The following ZFPM1 variants were observed in gnomAD, a reference collection of about 807,000 sequenced individuals.
The protein encoded by ZFPM1 is zinc finger protein ZFPM1.
A neutral mutation model predicts 46.3 loss-of-function variants in ZFPM1; 28 were observed. The ratio of observed to expected loss-of-function variants is 0.60; its 90% CI spans 0.45 to 0.83. ZFPM1 has a LOEUF of 0.83. ZFPM1 is among the 40% of genes least tolerant of loss of function. The probability of loss-of-function intolerance (pLI) is 0.00; values close to 1 mark genes in which losing one functional copy is unlikely to be tolerated. For synonymous variants in ZFPM1, 957 were observed against 675.9 expected (o/e 1.42, Z -6.45); for missense variants, 1,878 against 1,432.4 (o/e 1.31, Z -5.02).
intron 3 of ZFPM1, among the ~76,000 whole-genome samples, chr16:88,505,264 C>T (rs1910586456): frequency 6.6e-6 from 1 of 152,196 alleles, no homozygotes; most frequent in African/African-American, 2.4e-5. Context: ...CTCCTTACTG[C>T]CCGTTTGTGG....
chr16:88,534,455 C>T lies in ZFPM1; in HGVS notation c.2497C>T (p.Leu833=). ...RVSFHSLEAY[L]AHKKYSCPAA... ...GAGCTTCCACAGCCTCGAGGCCTAC[C>T]TGGCGCACAAGAAGTACTCGTGCCC... Residue 833 remains leucine (L), a synonymous_variant, in exon 10 of 10, where the codon CTG becomes TTG. Transcript: ENST00000319555. 2.0e-6 allele frequency: 3 copies of T among 1,497,356 alleles called. No homozygotes were observed. The highest frequency in any genetic ancestry group is 2.7e-6 in the Non-Finnish European group (3 of 1,130,382). The allele number at this position is 1,497,356 out of a possible 1,614,324, so 92.8% of individuals were successfully genotyped here.
intron 5 of ZFPM1, among the ~76,000 whole-genome samples, chr16:88,527,153 G>A (rs1054618537): frequency 6.6e-6 from 1 of 152,196 alleles, no homozygotes; most frequent in Non-Finnish European, 1.5e-5. Flanking sequence ...ACAGGTGTCC[G>A]TGGCGGGGGG....
At chr16:88,501,589 T>TGATGGAGATAGCAGACATGGGTGCG (rs1567541544) in intron 3 of ZFPM1, among the ~76,000 whole-genome samples, 4 of 62,568 alleles carry the variant, frequency 6.4e-5, no homozygotes, top group African/African-American at 7.2e-5. Flanking sequence ...TGTGGGTGCA[T>TGATGGAGATAGCAGACATGGGTGCG]GGGCTCTCCC....
At chr16:88,527,043 G>A in intron 5 of ZFPM1, 127 bp downstream of exon 5, 1 of 1,414,396 alleles carries the variant, frequency 7.1e-7, no homozygotes, top group Non-Finnish European at 9.4e-7. Context: ...GGGAGCTGCT[G>A]GCCCCGGGCG....
chr16:88,517,222 ATGGATGGGTGGG>A (rs1462894903), intron 4 of ZFPM1, among the ~76,000 whole-genome samples: 919 of 80,666 alleles, frequency 0.011, 23 homozygotes, highest in African/African-American at 0.041. Context: ...GGATGGATGG[ATGGATGGGTGGG>A]TGGGTGGGTG....
intron 6 of ZFPM1, among the ~76,000 whole-genome samples, chr16:88,530,140 G>A (rs1468742969): frequency 6.6e-6 from 1 of 152,166 alleles, no homozygotes. Context: ...GAGAGGGGGT[G>A]CCCCCGTAGT....
chr16:88,534,011 T>G lies in ZFPM1; in HGVS notation c.2053T>G (p.Cys685Gly). The G allele has an allele frequency of 7.3e-7, 1 of 1,367,846 alleles. No homozygotes were observed. Among genetic ancestry groups the G allele is most frequent in the Non-Finnish European group, 9.6e-7 (1 of 1,044,330 alleles). 84.7% of individuals were successfully genotyped at this position (1,367,846 alleles called of 1,614,324 possible). A position where few individuals can be genotyped will look rare whatever the true frequency, so the allele number is the denominator to read the frequency against. The change falls in exon 10 of 10, where the codon TGC (cysteine) becomes GGC (glycine). Residue 685 changes from cysteine to glycine, a missense_variant. Transcript: ENST00000319555. Reference protein sequence around the residue: ...DAEDDPSRTLCEACNIRFSRH... With the variant: ...DAEDDPSRTLGEACNIRFSRH... ...GGAGGACGACCCCAGCCGCACGCTG[T>G]GCGAGGCCTGCAACATCCGCTTCAG...
chr16:88,509,645 G>C (rs990357738), intron 3 of ZFPM1, among the ~76,000 whole-genome samples: 4 of 152,228 alleles, frequency 2.6e-5, no homozygotes, highest in African/African-American at 9.6e-5. Flanking sequence ...GAGCAGAGTG[G>C]GTTCAGGAGC....
intron 3 of ZFPM1, among the ~76,000 whole-genome samples, chr16:88,501,182 GGGGGCCC>G (rs1910260840): frequency 9.9e-5 from 6 of 60,494 alleles, no homozygotes; most frequent in Admixed American, 3.4e-4. Flanking sequence ...ACATGGGTGC[GGGGGCCC>G]TCCCGCAGGT....
rs1913018223 is a variant in ZFPM1 at position 88,533,816 on chromosome 16, G to C, written c.1858G>C (p.Gly620Arg). ...PAARRPKAPP[G>R]PARAPPGQPA... ...CGCGCGCAGGCCCAAGGCGCCCCCC[G>C]GCCCGGCCCGCGCGCCCCCCGGCCA... Residue 620 changes from glycine (G) to arginine (R), a missense_variant, in exon 10 of 10, where the codon GGC (glycine) becomes CGC (arginine). Transcript: ENST00000319555. 9.7e-7 allele frequency: 1 copy of C among 1,036,006 alleles called. No homozygotes were observed. Among genetic ancestry groups the C allele is most frequent in the Non-Finnish European group, 1.2e-6 (1 of 856,144 alleles). The allele number at this position is 1,036,006 out of a possible 1,614,324, so 64.2% of individuals were successfully genotyped here. A position where few individuals can be genotyped will look rare whatever the true frequency, so the allele number is the denominator to read the frequency against.
At chr16:88,515,832 G>T (rs1911263244) in intron 4 of ZFPM1, among the ~76,000 whole-genome samples, 1 of 152,216 alleles carries the variant, frequency 6.6e-6, no homozygotes, top group South Asian at 2.1e-4. Context: ...CCCCATCACT[G>T]TACGCGTGTG....
chr16:88,481,839 C>A (rs780423674), intron 1 of ZFPM1, among the ~76,000 whole-genome samples: 1 of 152,174 alleles, frequency 6.6e-6, no homozygotes, highest in African/African-American at 2.4e-5. Context: ...TGAGCACCGC[C>A]CGTCCAGTCT....
Position 88,534,245 on chromosome 16 carries a change from G to A in ZFPM1, c.2287G>A (p.Ala763Thr). 1.1e-6 allele frequency: 1 copy of A among 872,168 alleles called. No homozygotes were observed. The highest frequency in any genetic ancestry group is 1.4e-6 in the Non-Finnish European group (1 of 738,942). The allele number at this position is 872,168 out of a possible 1,614,324, so 54.0% of individuals were successfully genotyped here. A position where few individuals can be genotyped will look rare whatever the true frequency, so the allele number is the denominator to read the frequency against. The change falls in exon 10 of 10, where the codon GCC (alanine) becomes ACC (threonine). Residue 763 changes from alanine (A) to threonine (T), a missense_variant. By Grantham distance (58) the Ala-to-Thr change is moderately conservative (BLOSUM62 0). Transcript: ENST00000319555. ...GAPPPPPPGH[A>T]PAPESPRPGS... Reference sequence around the variant, plus strand: ...CCCGCCCCCCCCGCCGCCCGGCCACGCCCCCGCGCCCGAGTCGCCGCGGCC... The same window carrying A: ...CCCGCCCCCCCCGCCGCCCGGCCACACCCCCGCGCCCGAGTCGCCGCGGCC...
At chr16:88,486,069 G>T in intron 2 of ZFPM1, 26 bp downstream of exon 2, 2 of 1,596,576 alleles carry the variant, frequency 1.3e-6, no homozygotes. Flanking sequence ...CCCTCTCACC[G>T]CGCCTCCAGC....
At chr16:88,516,725 G>GA (rs1911322855) in intron 4 of ZFPM1, 1 of 395,930 alleles carries the variant, frequency 2.5e-6, no homozygotes, top group Non-Finnish European at 4.4e-6. Context: ...TTCTCTCCCC[G>GA]ACCCCTCCCT....
chr16:88,464,324 C>A (rs1908029043), intron 1 of ZFPM1, among the ~76,000 whole-genome samples: 1 of 152,196 alleles, frequency 6.6e-6, no homozygotes, highest in African/African-American at 2.4e-5. Context: ...TGATAGTTCC[C>A]GACTCCAGGC....
intron 4 of ZFPM1, among the ~76,000 whole-genome samples, chr16:88,515,250 A>G (rs1164384486): frequency 6.6e-6 from 1 of 152,218 alleles, no homozygotes; most frequent in African/African-American, 2.4e-5. Flanking sequence ...TGGGCCATTC[A>G]CACAGCCTTT....
intron 5 of ZFPM1, among the ~76,000 whole-genome samples, 153 bp downstream of exon 5, chr16:88,527,069 G>T (rs376862888): frequency 6.6e-6 from 1 of 152,078 alleles, no homozygotes; most frequent in Admixed American, 6.5e-5. Flanking sequence ...GCATGAGGCA[G>T]ACACTCTACT....
chr16:88,489,258 G>T, intron 3 of ZFPM1, 105 bp downstream of exon 3: 1 of 1,454,048 alleles, frequency 6.9e-7, no homozygotes, highest in Non-Finnish European at 9.1e-7. Flanking sequence ...GCAGGTTGCT[G>T]GAGACCCACC....
Sources: allele counts gnomAD v4.1 joint callset (sites outside exome capture counted in the v4.1 genomes callset), GRCh38; gene constraint gnomAD v4.1.1; transcripts MANE v1.5; gene names NCBI Gene and HGNC (gene_info 2026-07-23, HGNC 2026-07-21).